Variants in KIF16B observed in about 807,000 individuals in gnomAD.
KIF16B encodes the protein kinesin family member 16B, also known as kinesin-like protein KIF16B.
KIF16B carries 98 observed loss-of-function variants against 156.3 expected under a neutral mutation model. That is an observed-to-expected ratio of 0.63 (90% CI 0.53 to 0.74). The LOEUF is 0.74. Ranked by LOEUF, KIF16B falls within the 30% of genes least tolerant of loss-of-function variation. The pLI, the probability that KIF16B is intolerant of heterozygous loss-of-function variation, is 0.00. For synonymous variants in KIF16B, 564 were observed against 583.7 expected (o/e 0.97, Z 0.49); for missense variants, 1,421 against 1,606.5 (o/e 0.88, Z 1.97).
At chr20:16,365,732 C>T (rs372805072) in intron 22 of KIF16B, among the ~76,000 whole-genome samples, 4 of 152,188 alleles carry the variant, frequency 2.6e-5, no homozygotes, top group Admixed American at 2.0e-4. Flanking sequence ...ACACCATCTC[C>T]GTCATTGGTT....
chr20:16,521,363 C>T (rs903733055), intron 3 of KIF16B, among the ~76,000 whole-genome samples: 1 of 151,658 alleles, frequency 6.6e-6, no homozygotes, highest in East Asian at 1.9e-4. Context: ...ACAAGAACTT[C>T]GTGAAGCACA....
chr20:16,537,429 A>G (rs1022638503), intron 1 of KIF16B, among the ~76,000 whole-genome samples: 7 of 152,100 alleles, frequency 4.6e-5, no homozygotes, highest in African/African-American at 1.7e-4. Context: ...ACTTTTTAAG[A>G]GCAAGGACTC....
At chr20:16,327,674 C>T (rs2063879385) in intron 24 of KIF16B, among the ~76,000 whole-genome samples, 1 of 152,098 alleles carries the variant, frequency 6.6e-6, no homozygotes, top group Admixed American at 6.6e-5. Flanking sequence ...TCCACTCATC[C>T]TTGAAAGCAG....
intron 12 of KIF16B, among the ~76,000 whole-genome samples, chr20:16,441,308 C>T (rs556574686): frequency 2.6e-5 from 4 of 152,250 alleles, no homozygotes; most frequent in South Asian, 4.1e-4. Context: ...CTTCACCCTC[C>T]GGCCTGTGCT....
At chr20:16,419,769 A>G (rs2066179618) in intron 15 of KIF16B, among the ~76,000 whole-genome samples, 2 of 152,292 alleles carry the variant, frequency 1.3e-5, no homozygotes, top group South Asian at 4.1e-4. Flanking sequence ...TTAAAATAAG[A>G]GAGAATAGCT....
chr20:16,471,570 C>T (rs2067663321), intron 12 of KIF16B, among the ~76,000 whole-genome samples: 3 of 152,142 alleles, frequency 2.0e-5, no homozygotes, highest in South Asian at 2.1e-4. Context: ...CATATTTAAC[C>T]GCAAACAGCA....
intron 1 of KIF16B, among the ~76,000 whole-genome samples, chr20:16,541,650 G>A (rs2070202906): frequency 6.6e-6 from 1 of 152,216 alleles, no homozygotes; most frequent in African/African-American, 2.4e-5. Context: ...TACAGGTTGG[G>A]ATCCCAGAGA....
intron 2 of KIF16B, among the ~76,000 whole-genome samples, chr20:16,527,865 T>C (rs1187553100): frequency 6.6e-6 from 1 of 152,210 alleles, no homozygotes; most frequent in Non-Finnish European, 1.5e-5. Flanking sequence ...AAGGAGAAAC[T>C]TGCCATCTTG....
intron 12 of KIF16B, among the ~76,000 whole-genome samples, chr20:16,492,225 C>T (rs6034503): frequency 0.23 from 34,316 of 152,014 alleles, 4,414 homozygotes; most frequent in East Asian, 0.34. Flanking sequence ...CAGATACAAA[C>T]CCATCAACTA....
rs151182349 is a variant in KIF16B, at chr20:16,297,946, A to G, written c.3795+14389T>C. 4.4e-3 allele frequency among the ~76,000 whole-genome samples: 671 copies of G among 152,118 alleles called. 6 individuals are homozygous for G. The highest frequency in any genetic ancestry group is 0.016 in the African/African-American group (650 of 41,498). The stretch of plus-strand genomic sequence containing the variant: ...CCTGCCCCCAGGCTCCCCTGCTCCC[A>G]CCATTCTCTCCACAGTGATAAAGCC... On this transcript the variant is annotated intron_variant, in intron 25 of 25. Coordinates refer to ENST00000354981, the MANE Select transcript of KIF16B (RefSeq NM_024704.5).
intron 15 of KIF16B, among the ~76,000 whole-genome samples, chr20:16,423,415 A>G (rs1340750536): frequency 6.6e-6 from 1 of 152,182 alleles, no homozygotes; most frequent in East Asian, 1.9e-4. Context: ...CACAATAACT[A>G]AATCAAATAT....
At chr20:16,405,142 C>A (rs1418414542) in intron 16 of KIF16B, among the ~76,000 whole-genome samples, 2 of 152,138 alleles carry the variant, frequency 1.3e-5, no homozygotes, top group African/African-American at 4.8e-5. Context: ...TGGGGAAATT[C>A]ATCAGGAATT....
chr20:16,367,723 C>T (rs1282287220), intron 22 of KIF16B: 2 of 1,612,216 alleles, frequency 1.2e-6, no homozygotes, highest in African/African-American at 1.3e-5. Context: ...TTCTGTTTTC[C>T]AATCAAGAGA....
chr20:16,547,512 A>G (rs1216638538), intron 1 of KIF16B, among the ~76,000 whole-genome samples: 1 of 152,180 alleles, frequency 6.6e-6, no homozygotes, highest in Non-Finnish European at 1.5e-5. Context: ...GTCACCAGAA[A>G]GTTCCTTTCC....
At chr20:16,539,856 C>T (rs2070127502) in intron 1 of KIF16B, among the ~76,000 whole-genome samples, 1 of 152,196 alleles carries the variant, frequency 6.6e-6, no homozygotes, top group South Asian at 2.1e-4. Flanking sequence ...TCTGGTCAAT[C>T]CATAATAAAC....
intron 19 of KIF16B, among the ~76,000 whole-genome samples, chr20:16,374,743 TGGTTGTGGACTACACATCAGG>T (rs1355245446): frequency 1.3e-5 from 2 of 152,218 alleles, no homozygotes; most frequent in African/African-American, 4.8e-5. Context: ...CAAAAAGAGT[TGGTTGTGGACTACACATCAGG>T]GTTCTGGTAA....
intron 12 of KIF16B, among the ~76,000 whole-genome samples, chr20:16,438,429 G>A (rs918728025): frequency 8.5e-5 from 13 of 152,096 alleles, no homozygotes; most frequent in African/African-American, 3.1e-4. Context: ...ATCTCTTACT[G>A]TGTCTAATTT....
chr20:16,281,955 A>G (rs530159787), intron 25 of KIF16B, among the ~76,000 whole-genome samples: 8 of 151,898 alleles, frequency 5.3e-5, no homozygotes, highest in East Asian at 3.9e-4. Context: ...CATGCACCCA[A>G]TAAGTACTTA....
intron 25 of KIF16B, among the ~76,000 whole-genome samples, chr20:16,275,605 C>A (rs2063049114): frequency 6.6e-6 from 1 of 152,154 alleles, no homozygotes; most frequent in African/African-American, 2.4e-5. Context: ...CAAGTATTCT[C>A]AACTCAAGAT....
Sources: gnomAD v4.1 joint callset for allele counts (sites outside exome capture counted in the v4.1 genomes callset) on GRCh38, gnomAD v4.1.1 for gene constraint, MANE v1.5 for transcripts, NCBI Gene and HGNC (gene_info 2026-07-23, HGNC 2026-07-21) for gene names.